Variants in LHFPL2 observed in about 807,000 individuals in gnomAD.
LHFPL2 encodes the protein LHFPL tetraspan subfamily member 2 protein.
In LHFPL2, 7 loss-of-function variants were observed where a neutral mutation model predicts 17.5. That is an observed-to-expected ratio of 0.40 (90% CI 0.23 to 0.75). LHFPL2 has a LOEUF of 0.75. Ranked by LOEUF, LHFPL2 falls within the 30% of genes least tolerant of loss-of-function variation. The probability of loss-of-function intolerance (pLI) is 0.37; values close to 1 mark genes in which losing one functional copy is unlikely to be tolerated. For synonymous variants in LHFPL2, 134 were observed against 116.2 expected (o/e 1.15, Z -0.99); for missense variants, 241 against 294.8 (o/e 0.82, Z 1.34).
At position 78,538,726 on chromosome 5, in the gene LHFPL2, G is replaced by A. The variant is rs115086201; in HGVS notation, c.-186+26087C>T. Among the ~76,000 whole-genome samples the A allele has an allele frequency of 6.2e-3, 944 of 152,224 alleles. 11 individuals carry two copies. The highest frequency in any genetic ancestry group is 0.022 in the African/African-American group (909 of 41,526). On this transcript the variant is annotated intron_variant, in intron 3 of 4. Transcript: ENST00000380345. ...GAAGGTGAGAAGCCACACCTGCACG[G>A]GCACAGTTTCACTTTCTCCATATGA...
At chr5:78,558,683 C>A (rs1166007871) in intron 3 of LHFPL2, among the ~76,000 whole-genome samples, 1 of 152,156 alleles carries the variant, frequency 6.6e-6, no homozygotes, top group South Asian at 2.1e-4. Flanking sequence ...GTGGACTAAT[C>A]TGATTGGATA....
At chr5:78,547,219 G>A (rs1484455840) in intron 3 of LHFPL2, among the ~76,000 whole-genome samples, 1 of 152,182 alleles carries the variant, frequency 6.6e-6, no homozygotes, top group Non-Finnish European at 1.5e-5. Context: ...GGGCACTCCT[G>A]CTCCTCATCT....
At chr5:78,552,889 C>A (rs1756484165) in intron 3 of LHFPL2, among the ~76,000 whole-genome samples, 1 of 152,166 alleles carries the variant, frequency 6.6e-6, no homozygotes, top group Admixed American at 6.5e-5. Context: ...AGCCATGTAG[C>A]ACAAATTGTT....
intron 2 of LHFPL2, among the ~76,000 whole-genome samples, chr5:78,575,236 A>T (rs939500417): frequency 5.3e-5 from 8 of 152,316 alleles, no homozygotes; most frequent in Middle Eastern, 3.4e-3. Flanking sequence ...TGCTGTAAAT[A>T]AACAAACACC....
At chr5:78,620,464 A>G (rs1338152197) in intron 2 of LHFPL2, among the ~76,000 whole-genome samples, 1 of 152,148 alleles carries the variant, frequency 6.6e-6, no homozygotes, top group African/African-American at 2.4e-5. Flanking sequence ...ATCAACAAGG[A>G]CCTCAAACAG....
chr5:78,594,287 T>C (rs991365730), intron 2 of LHFPL2, among the ~76,000 whole-genome samples: 1 of 152,226 alleles, frequency 6.6e-6, no homozygotes, highest in Non-Finnish European at 1.5e-5. Flanking sequence ...AGAGGCAGCA[T>C]AGCTTTGTAT....
At chr5:78,511,101 A>AG (rs1385533695) in intron 3 of LHFPL2, among the ~76,000 whole-genome samples, 2 of 95,558 alleles carry the variant, frequency 2.1e-5, no homozygotes, top group East Asian at 2.5e-4. Context: ...TAAAACTCAG[A>AG]GGGGAAAAAA....
chr5:78,604,767 T>A (rs890957571), intron 2 of LHFPL2, among the ~76,000 whole-genome samples: 2 of 152,194 alleles, frequency 1.3e-5, no homozygotes, highest in Admixed American at 1.3e-4. Context: ...GTTGACAGTA[T>A]CTCTGGGGAA....
Position 78,487,921 on chromosome 5 carries a change from G to T in LHFPL2, c.*976C>A, listed in dbSNP as rs911706813. ...TCTGCTACTGTCGGGATTGGAAATAGAGCTGACTACAGCATGGTCACCAAA... is the reference window on the plus strand; with the variant it reads ...TCTGCTACTGTCGGGATTGGAAATATAGCTGACTACAGCATGGTCACCAAA... On this transcript the variant is annotated 3_prime_UTR_variant, in exon 5 of 5. Coordinates refer to ENST00000380345, the MANE Select transcript of LHFPL2 (RefSeq NM_005779.3). 1.3e-5 allele frequency: 2 copies of T among 152,154 alleles called. No homozygotes were observed. The highest frequency in any genetic ancestry group is 1.9e-4 in the East Asian group (1 of 5,192). 9.4% of individuals were successfully genotyped at this position (152,154 alleles called of 1,614,324 possible).
At chr5:78,570,969 C>T (rs1290833801) in intron 2 of LHFPL2, among the ~76,000 whole-genome samples, 1 of 152,080 alleles carries the variant, frequency 6.6e-6, no homozygotes, top group Non-Finnish European at 1.5e-5. Flanking sequence ...TTCTGAAAAG[C>T]AGATGCCAAG....
chr5:78,496,090 T>TCC (rs1409356051), intron 4 of LHFPL2, among the ~76,000 whole-genome samples: 3 of 152,188 alleles, frequency 2.0e-5, no homozygotes, highest in African/African-American at 7.2e-5. Flanking sequence ...CCAACGTACA[T>TCC]CCCTCTTGAG....
chr5:78,505,735 C>A (rs1387923383), intron 4 of LHFPL2, among the ~76,000 whole-genome samples: 6 of 152,240 alleles, frequency 3.9e-5, no homozygotes, highest in Non-Finnish European at 8.8e-5. Context: ...AAATAATATA[C>A]TAAAACTTGC....
intron 2 of LHFPL2, among the ~76,000 whole-genome samples, chr5:78,572,500 A>G (rs185492832): frequency 0.015 from 630 of 41,946 alleles, 6 homozygotes; most frequent in Non-Finnish European, 0.025. Flanking sequence ...ATATGTGTGT[A>G]TATATATATA....
intron 2 of LHFPL2, among the ~76,000 whole-genome samples, chr5:78,597,848 T>A (rs1390090121): frequency 6.6e-6 from 1 of 152,222 alleles, no homozygotes; most frequent in Non-Finnish European, 1.5e-5. Context: ...AGTATCTTCA[T>A]ATGCATTGGT....
intron 1 of LHFPL2, among the ~76,000 whole-genome samples, chr5:78,645,601 G>A (rs1331682434): frequency 6.7e-6 from 1 of 148,320 alleles, no homozygotes. Flanking sequence ...CATTTTTTTT[G>A]AGATAGCGTC....
intron 2 of LHFPL2, among the ~76,000 whole-genome samples, chr5:78,630,184 A>G (rs144265213): frequency 6.4e-4 from 97 of 152,276 alleles, no homozygotes; most frequent in African/African-American, 2.2e-3. Context: ...TCAGAACTGC[A>G]TTGTAAAACA....
At chr5:78,572,867 G>T (rs1006051808) in intron 2 of LHFPL2, among the ~76,000 whole-genome samples, 9 of 152,156 alleles carry the variant, frequency 5.9e-5, no homozygotes, top group Admixed American at 1.3e-4. Context: ...GGATGAAACT[G>T]TTCCACCTTA....
chr5:78,508,508 C>A (rs904364940), intron 4 of LHFPL2, among the ~76,000 whole-genome samples: 1 of 151,222 alleles, frequency 6.6e-6, no homozygotes, highest in Admixed American at 6.6e-5. Context: ...CCCACCTCCA[C>A]CCTACACAGG....
intron 2 of LHFPL2, among the ~76,000 whole-genome samples, chr5:78,565,843 CT>C (rs1184870322): frequency 1.3e-5 from 2 of 152,216 alleles, no homozygotes; most frequent in African/African-American, 4.8e-5. Flanking sequence ...ATCACCTCCC[CT>C]GATAGAAACC....
Sources: gnomAD v4.1 joint callset for allele counts (sites outside exome capture counted in the v4.1 genomes callset) on GRCh38, gnomAD v4.1.1 for gene constraint, MANE v1.5 for transcripts, NCBI Gene and HGNC (gene_info 2026-07-23, HGNC 2026-07-21) for gene names.